GRM7: variants seen among roughly 807,000 people sequenced by gnomAD.
GRM7 encodes the protein metabotropic glutamate receptor 7.
GRM7 carries 35 observed loss-of-function variants against 84.5 expected under a neutral mutation model. The observed-to-expected ratio is 0.41, with a 90% CI of 0.32 to 0.55. The LOEUF is 0.55. GRM7 is among the 20% of genes least tolerant of loss of function. The pLI is 0.19. For missense variants in GRM7, 1,003 were observed against 1,194.6 expected (o/e 0.84, Z 2.36); for synonymous variants, 487 against 455.1 (o/e 1.07, Z -0.89).
At chr3:6,954,971 A>G (rs755842051) in intron 1 of GRM7, among the ~76,000 whole-genome samples, 1 of 152,212 alleles carries the variant, frequency 6.6e-6, no homozygotes, top group Non-Finnish European at 1.5e-5. Context: ...AGTGGGGTTA[A>G]TAATATTCCC....
chr3:7,577,734 C>T (rs1695033946), intron 7 of GRM7, among the ~76,000 whole-genome samples: 1 of 152,144 alleles, frequency 6.6e-6, no homozygotes, highest in Admixed American at 6.5e-5. Flanking sequence ...ATTTTCTTAT[C>T]AAATACTTCC....
At chr3:7,170,874 T>A (rs1694961016) in intron 2 of GRM7, among the ~76,000 whole-genome samples, 1 of 152,208 alleles carries the variant, frequency 6.6e-6, no homozygotes, top group Non-Finnish European at 1.5e-5. Flanking sequence ...AGGCTCATCT[T>A]GCCATTCATT....
intron 1 of GRM7, among the ~76,000 whole-genome samples, chr3:7,145,992 A>C (rs1358434652): frequency 2.0e-5 from 3 of 152,212 alleles, no homozygotes; most frequent in Non-Finnish European, 2.9e-5. Flanking sequence ...CTTGGAGACT[A>C]TCCACAATCA....
intron 7 of GRM7, among the ~76,000 whole-genome samples, chr3:7,490,819 T>G (rs1198921541): frequency 6.6e-6 from 1 of 152,122 alleles, no homozygotes; most frequent in Non-Finnish European, 1.5e-5. Context: ...TGAACAAGTA[T>G]TTCAGAAATA....
chr3:7,460,084 G>C (rs1237805912), intron 6 of GRM7, among the ~76,000 whole-genome samples: 1 of 77,290 alleles, frequency 1.3e-5, no homozygotes, highest in African/African-American at 5.0e-5. Context: ...ACAGGGAAAA[G>C]TATGCTTAAA....
At chr3:7,483,162 G>A (rs1382483857) in intron 7 of GRM7, among the ~76,000 whole-genome samples, 1 of 152,140 alleles carries the variant, frequency 6.6e-6, no homozygotes, top group Non-Finnish European at 1.5e-5. Context: ...TAAATACTGA[G>A]GATGCAACCT....
intron 2 of GRM7, among the ~76,000 whole-genome samples, chr3:7,147,704 G>A (rs758152845): frequency 2.0e-5 from 3 of 152,126 alleles, no homozygotes; most frequent in Non-Finnish European, 4.4e-5. Context: ...TAAATCTCAT[G>A]TTTTTAATTC....
Position 7,578,691 on chromosome 3 carries a change from C to T in GRM7, c.1785C>T (p.Val595=). The change falls in exon 8 of 10, where the codon GTC becomes GTT. Residue 595 remains valine (V), a synonymous_variant. Transcript: ENST00000357716. ...EWHSPWAVIP[V]FLAMLGIIAT... ...ACTCCCCCTGGGCTGTGATTCCTGT[C>T]TTCCTGGCAATGTTGGGGATCATTG... 1.2e-6 allele frequency: 2 copies of T among 1,614,086 alleles called. No individual in the cohort carries two copies. The highest frequency in any genetic ancestry group is 1.7e-6 in the Non-Finnish European group (2 of 1,179,974).
intron 8 of GRM7, among the ~76,000 whole-genome samples, chr3:7,583,848 G>A (rs73809431): frequency 0.014 from 2,194 of 152,232 alleles, 58 homozygotes; most frequent in African/African-American, 0.049. Flanking sequence ...CTTACAATGC[G>A]TGTACTGTGC....
At chr3:7,516,350 G>A (rs1297023032) in intron 7 of GRM7, among the ~76,000 whole-genome samples, 7 of 147,996 alleles carry the variant, frequency 4.7e-5, no homozygotes, top group African/African-American at 1.3e-4. Context: ...GGTGGTGTGC[G>A]CCTGTAGTCC....
At chr3:7,533,400 G>C (rs1331775791) in intron 7 of GRM7, among the ~76,000 whole-genome samples, 1 of 152,006 alleles carries the variant, frequency 6.6e-6, no homozygotes, top group African/African-American at 2.4e-5. Flanking sequence ...ATGACTACTG[G>C]GTAAATAATG....
At chr3:7,399,109 T>G (rs1470389379) in intron 4 of GRM7, among the ~76,000 whole-genome samples, 1 of 151,918 alleles carries the variant, frequency 6.6e-6, no homozygotes, top group Non-Finnish European at 1.5e-5. Context: ...TTTTCCTTCA[T>G]GCTTCCACCT....
At chr3:7,515,336 C>A (rs1380418617) in intron 7 of GRM7, among the ~76,000 whole-genome samples, 1 of 152,080 alleles carries the variant, frequency 6.6e-6, no homozygotes, top group Non-Finnish European at 1.5e-5. Flanking sequence ...GTGCCCCGTG[C>A]ATTGTAGCAG....
chr3:7,077,920 G>A (rs1001212924), intron 1 of GRM7, among the ~76,000 whole-genome samples: 1 of 152,046 alleles, frequency 6.6e-6, no homozygotes, highest in Non-Finnish European at 1.5e-5. Flanking sequence ...TTAAAGCAGA[G>A]GTTGGCAAAT....
chr3:7,649,941 A>G lies in GRM7; in HGVS notation c.2452-30108A>G, dbSNP rs141643230. Among the ~76,000 whole-genome samples, 1,041 of 152,242 alleles carry G rather than the reference A, an allele frequency of 6.8e-3. 8 individuals are homozygous for G. The highest frequency in any genetic ancestry group is 0.024 in the African/African-American group (984 of 41,552). ...TTCATAGTGGTGATAATAGATTGTTATTTTTATAATAATTACAGTACATCA... is the reference window on the plus strand; with the variant it reads ...TTCATAGTGGTGATAATAGATTGTTGTTTTTATAATAATTACAGTACATCA... On this transcript the variant is annotated intron_variant, in intron 8 of 9. Coordinates refer to ENST00000357716, the MANE Select transcript of GRM7 (RefSeq NM_000844.4).
At chr3:7,397,352 A>G (rs1695251698) in intron 4 of GRM7, among the ~76,000 whole-genome samples, 1 of 152,172 alleles carries the variant, frequency 6.6e-6, no homozygotes, top group Non-Finnish European at 1.5e-5. Flanking sequence ...TAAAGGAAAC[A>G]TCATCCCTTG....
chr3:6,873,033 A>T (rs1695180550), intron 1 of GRM7, among the ~76,000 whole-genome samples: 1 of 152,282 alleles, frequency 6.6e-6, no homozygotes, highest in Non-Finnish European at 1.5e-5. Context: ...CTGAGGAATC[A>T]CCACACTGTC....
At chr3:7,482,501 T>G (rs1699169616) in intron 7 of GRM7, among the ~76,000 whole-genome samples, 1 of 152,182 alleles carries the variant, frequency 6.6e-6, no homozygotes, top group Non-Finnish European at 1.5e-5. Flanking sequence ...GTGAGGTATA[T>G]TTTTTGAAGG....
At chr3:7,427,584 CTTTTTA>C (rs1435010030) in intron 5 of GRM7, among the ~76,000 whole-genome samples, 1 of 152,178 alleles carries the variant, frequency 6.6e-6, no homozygotes, top group South Asian at 2.1e-4. Context: ...TTTTGTCCAT[CTTTTTA>C]AAAAGTACAG....
Sources: gnomAD v4.1 joint callset for allele counts (sites outside exome capture counted in the v4.1 genomes callset) on GRCh38, gnomAD v4.1.1 for gene constraint, MANE v1.5 for transcripts, NCBI Gene and HGNC (gene_info 2026-07-23, HGNC 2026-07-21) for gene names.